The following CCBE1 variants were observed in gnomAD, a reference collection of about 807,000 sequenced individuals.
The protein encoded by CCBE1 is collagen and calcium binding EGF domains 1, also known as collagen and calcium-binding EGF domain-containing protein 1.
In CCBE1, 37 loss-of-function variants were observed where a neutral mutation model predicts 50.0. The ratio of observed to expected loss-of-function variants is 0.74; its 90% CI spans 0.57 to 0.97. CCBE1 has a LOEUF of 0.97. CCBE1 is among the 50% of genes least tolerant of loss of function. The pLI is 0.00. For missense variants in CCBE1, 538 were observed against 523.8 expected, an observed-to-expected ratio of 1.03 and a Z score of -0.26; for synonymous variants, 234 against 203.7, an observed-to-expected ratio of 1.15 and a Z score of -1.27.
Position 59,466,682 on chromosome 18 carries a change from T to C in CCBE1, c.553+57A>G, listed in dbSNP as rs560169102. ...AATATATAAACCCCCAAACTGGTTA[T>C]ATATATAATATATAAAAATATGTAA... On this transcript the variant is annotated intron_variant, in intron 5 of 10. Transcript: ENST00000439986. 4.2e-5 allele frequency: 52 copies of C among 1,237,046 alleles called. No homozygotes were observed. The Admixed American group carries it at 8.7e-4, about 21-fold the overall frequency. 76.6% of individuals were successfully genotyped at this position (1,237,046 alleles called of 1,614,324 possible).
intron 2 of CCBE1, among the ~76,000 whole-genome samples, chr18:59,536,202 A>G (rs1915242357): frequency 6.6e-6 from 1 of 152,228 alleles, no homozygotes; most frequent in Non-Finnish European, 1.5e-5. Context: ...CTTTGATCAA[A>G]TCGATCTTTA....
At chr18:59,660,682 A>G (rs1398856164) in intron 2 of CCBE1, among the ~76,000 whole-genome samples, 1 of 152,186 alleles carries the variant, frequency 6.6e-6, no homozygotes, top group Non-Finnish European at 1.5e-5. Flanking sequence ...ACCTAAGTCA[A>G]ACAGCCTGTT....
At chr18:59,587,373 T>C (rs1463669165) in intron 2 of CCBE1, among the ~76,000 whole-genome samples, 1 of 152,116 alleles carries the variant, frequency 6.6e-6, no homozygotes, top group Non-Finnish European at 1.5e-5. Flanking sequence ...CTCAACAGAC[T>C]GCAGAAGAAA....
chr18:59,524,172 T>G (rs1046706467), intron 2 of CCBE1, among the ~76,000 whole-genome samples: 6 of 152,082 alleles, frequency 3.9e-5, no homozygotes, highest in Non-Finnish European at 5.9e-5. Flanking sequence ...AATATAAAAA[T>G]TGCCAGACAT....
intron 2 of CCBE1, among the ~76,000 whole-genome samples, chr18:59,659,860 T>C (rs543824592): frequency 1.3e-3 from 198 of 152,318 alleles, no homozygotes; most frequent in African/African-American, 4.6e-3. Context: ...ATCTGTAAAT[T>C]GAAGGAGTGG....
rs148332694 is a variant in CCBE1 at position 59,692,459 on chromosome 18, T to A, written c.212+4170A>T. Among the ~76,000 whole-genome samples, 247 of 152,272 alleles carry A rather than the reference T, an allele frequency of 1.6e-3. 2 individuals are homozygous for A. Among genetic ancestry groups the A allele is most frequent in the African/African-American group, 5.7e-3 (238 of 41,528 alleles). On this transcript the variant is annotated intron_variant, in intron 2 of 10. Transcript: ENST00000439986. ...GGAGCAAAGAGTTTATATTATTTTA[T>A]ATGTGTTTTGACATTATCGAAGCCC...
At chr18:59,508,055 C>G (rs1485903400) in intron 2 of CCBE1, among the ~76,000 whole-genome samples, 1 of 151,804 alleles carries the variant, frequency 6.6e-6, no homozygotes, top group Admixed American at 6.6e-5. Flanking sequence ...CCACACCCAG[C>G]TAAATTTTTT....
At chr18:59,618,092 T>G (rs1366923) in intron 2 of CCBE1, among the ~76,000 whole-genome samples, 19,453 of 152,160 alleles carry the variant, frequency 0.13, 1,404 homozygotes, top group African/African-American at 0.2. Context: ...GAGGTATATG[T>G]CCCCCATAAC....
chr18:59,597,884 G>T (rs182306956), intron 2 of CCBE1, among the ~76,000 whole-genome samples: 118 of 152,202 alleles, frequency 7.8e-4, no homozygotes, highest in Non-Finnish European at 1.2e-3. Flanking sequence ...AAATATTTGA[G>T]GATACTTCCT....
chr18:59,590,969 G>A (rs2053257253), intron 2 of CCBE1, among the ~76,000 whole-genome samples: 1 of 32,266 alleles, frequency 3.1e-5, no homozygotes, highest in Admixed American at 3.1e-4. Context: ...AGTAGGCCGG[G>A]CGCGGTGGCT....
intron 2 of CCBE1, among the ~76,000 whole-genome samples, chr18:59,576,012 G>C (rs1303453936): frequency 6.6e-6 from 1 of 152,200 alleles, no homozygotes; most frequent in Non-Finnish European, 1.5e-5. Context: ...TCCTGTGTAA[G>C]AAAAGTTACT....
At chr18:59,478,588 T>C (rs1912421780) in intron 3 of CCBE1, among the ~76,000 whole-genome samples, 3 of 152,218 alleles carry the variant, frequency 2.0e-5, no homozygotes, top group African/African-American at 4.8e-5. Context: ...TGCTGTAGTC[T>C]CTTTAGGATG....
chr18:59,602,812 G>A (rs943117861), intron 2 of CCBE1, among the ~76,000 whole-genome samples: 3 of 152,194 alleles, frequency 2.0e-5, no homozygotes, highest in Non-Finnish European at 4.4e-5. Context: ...GATCAAAGCT[G>A]CTATGCGCTC....
At chr18:59,458,306 C>T (rs1911299862) in intron 5 of CCBE1, among the ~76,000 whole-genome samples, 1 of 152,242 alleles carries the variant, frequency 6.6e-6, no homozygotes, top group African/African-American at 2.4e-5. Flanking sequence ...GTGTCAGGCA[C>T]TGAGAATGCA....
intron 2 of CCBE1, among the ~76,000 whole-genome samples, chr18:59,502,903 A>G (rs1473844269): frequency 2.6e-5 from 4 of 152,226 alleles, no homozygotes; most frequent in African/African-American, 9.6e-5. Context: ...CAAAGGATGC[A>G]TACGTTCTAG....
intron 2 of CCBE1, among the ~76,000 whole-genome samples, chr18:59,659,473 G>A (rs2054252781): frequency 6.6e-6 from 1 of 152,094 alleles, no homozygotes; most frequent in African/African-American, 2.4e-5. Flanking sequence ...AAATCTCCCT[G>A]TTATTTCTAA....
Position 59,432,933 on chromosome 18 carries a change from C to G in CCBE1, c.*2975G>C, listed in dbSNP as rs1204477085. 7.0e-6 allele frequency: 1 copy of G among 142,190 alleles called. No individual in the cohort carries two copies. The highest frequency in any genetic ancestry group is 2.6e-5 in the African/African-American group (1 of 38,306). 8.8% of individuals were successfully genotyped at this position (142,190 alleles called of 1,614,324 possible). On this transcript the variant is annotated 3_prime_UTR_variant, in exon 11 of 11. Coordinates refer to ENST00000439986, the MANE Select transcript of CCBE1 (RefSeq NM_133459.4). ...TAGATGGACCTAGCCATCTCTCATA[C>G]AGCTTGTGCATAGTTTTGTGTGTTT...
At chr18:59,632,272 G>A (rs1043721609) in intron 2 of CCBE1, among the ~76,000 whole-genome samples, 1 of 152,138 alleles carries the variant, frequency 6.6e-6, no homozygotes, top group East Asian at 1.9e-4. Context: ...GGCATTCTGG[G>A]CTGGGACCTG....
intron 2 of CCBE1, among the ~76,000 whole-genome samples, chr18:59,518,528 T>G (rs1266486544): frequency 1.3e-5 from 2 of 152,250 alleles, no homozygotes; most frequent in Non-Finnish European, 2.9e-5. Context: ...TATTCACTGC[T>G]GTCTTCAGCT....
Sources: gnomAD v4.1 joint callset for allele counts (sites outside exome capture counted in the v4.1 genomes callset) on GRCh38, gnomAD v4.1.1 for gene constraint, MANE v1.5 for transcripts, NCBI Gene and HGNC (gene_info 2026-07-23, HGNC 2026-07-21) for gene names.